SH3RF3: variants seen among roughly 807,000 people sequenced by gnomAD.
The protein encoded by SH3RF3 is SH3 domain containing ring finger 3.
SH3RF3 carries 29 observed loss-of-function variants against 66.3 expected under a neutral mutation model. The ratio of observed to expected loss-of-function variants is 0.44; its 90% CI spans 0.33 to 0.60. The LOEUF is 0.60. SH3RF3 is among the 20% of genes least tolerant of loss of function. The pLI, the probability that SH3RF3 is intolerant of heterozygous loss-of-function variation, is 0.04. For synonymous variants in SH3RF3, 583 were observed against 532.0 expected, an observed-to-expected ratio of 1.10 and a Z score of -1.32; for missense variants, 1,194 against 1,190.9, an observed-to-expected ratio of 1.00 and a Z score of -0.04.
intron 1 of SH3RF3, among the ~76,000 whole-genome samples, chr2:109,322,853 T>C (rs1682058793): frequency 6.6e-6 from 1 of 152,228 alleles, no homozygotes; most frequent in Admixed American, 6.5e-5. Context: ...GACAGCTTTA[T>C]TGCTATCAAT....
chr2:109,473,109 G>C (rs1678568636), intron 8 of SH3RF3, among the ~76,000 whole-genome samples: 1 of 152,210 alleles, frequency 6.6e-6, no homozygotes, highest in South Asian at 2.1e-4. Context: ...TGACAGCCTG[G>C]CATTTAATCG....
intron 8 of SH3RF3, among the ~76,000 whole-genome samples, chr2:109,453,433 G>A (rs568830439): frequency 2.3e-4 from 35 of 152,214 alleles, no homozygotes; most frequent in Non-Finnish European, 4.1e-4. Flanking sequence ...GTGTCCATCC[G>A]TGACAGTTTT....
intron 7 of SH3RF3, among the ~76,000 whole-genome samples, chr2:109,444,834 C>T (rs537698307): frequency 2.6e-5 from 4 of 152,240 alleles, no homozygotes; most frequent in South Asian, 4.1e-4. Flanking sequence ...AGCCAATAAA[C>T]TCAAGAGATA....
chr2:109,140,871 G>A (rs1224037576), intron 1 of SH3RF3, among the ~76,000 whole-genome samples: 3 of 152,282 alleles, frequency 2.0e-5, no homozygotes, highest in South Asian at 2.1e-4. Flanking sequence ...GGCCCCAGGG[G>A]TATCAGTTTT....
intron 1 of SH3RF3, among the ~76,000 whole-genome samples, chr2:109,196,679 G>A (rs975858356): frequency 1.3e-5 from 2 of 152,202 alleles, no homozygotes; most frequent in Non-Finnish European, 2.9e-5. Flanking sequence ...TTGCAGTGAG[G>A]GGCTGGCTCT....
intron 1 of SH3RF3, among the ~76,000 whole-genome samples, chr2:109,288,186 G>T (rs1221490588): frequency 2.0e-5 from 3 of 152,228 alleles, no homozygotes; most frequent in African/African-American, 7.2e-5. Context: ...CGATGTGTTT[G>T]CAGCCATTCA....
At chr2:109,278,665 C>T (rs558509696) in intron 1 of SH3RF3, among the ~76,000 whole-genome samples, 10 of 152,186 alleles carry the variant, frequency 6.6e-5, no homozygotes, top group Non-Finnish European at 1.3e-4. Flanking sequence ...TTGATTAGGT[C>T]CAGGTCTGCT....
intron 1 of SH3RF3, among the ~76,000 whole-genome samples, chr2:109,258,020 G>A (rs1287160656): frequency 6.6e-6 from 1 of 152,040 alleles, no homozygotes. Flanking sequence ...ACATACCTGT[G>A]CACACATGTA....
chr2:109,485,245 A>G (rs1265357860), intron 8 of SH3RF3, among the ~76,000 whole-genome samples: 1 of 152,258 alleles, frequency 6.6e-6, no homozygotes, highest in Non-Finnish European at 1.5e-5. Context: ...AAGTGGTGGG[A>G]CAGCCACCTG....
At chr2:109,252,500 C>T (rs967178235) in intron 1 of SH3RF3, among the ~76,000 whole-genome samples, 10 of 152,096 alleles carry the variant, frequency 6.6e-5, no homozygotes, top group Non-Finnish European at 1.5e-4. Context: ...CCTGGTGTTC[C>T]TGGGACTGAG....
At chr2:109,173,455 C>G (rs898707557) in intron 1 of SH3RF3, among the ~76,000 whole-genome samples, 2 of 152,196 alleles carry the variant, frequency 1.3e-5, no homozygotes, top group African/African-American at 2.4e-5. Context: ...CATTGCCTCT[C>G]CAGTTGACTC....
intron 4 of SH3RF3, among the ~76,000 whole-genome samples, chr2:109,418,300 A>T (rs1490890258): frequency 6.6e-6 from 1 of 152,006 alleles, no homozygotes; most frequent in African/African-American, 2.4e-5. Context: ...AGCCCCTCTA[A>T]TGGAGTGTCC....
At position 109,129,744 on chromosome 2, in the gene SH3RF3, C is replaced by T. The variant is rs532301572; in HGVS notation, c.204C>T (p.Ala68=). 9.1e-6 allele frequency: 14 copies of T among 1,539,402 alleles called. No individual in the cohort carries two copies. In the East Asian group the frequency reaches 3.4e-4, roughly 38 times the overall value. The change falls in exon 1 of 10, where the codon GCC becomes GCT. Residue 68 remains alanine (A), a synonymous_variant. Transcript: ENST00000309415. ...GTCTGGAGCGCCTGGACACCACGGC[C>T]AAGGTGCTGCCATGCCAACACACTT... ...SVCLERLDTT[A]KVLPCQHTFC... is the part of the protein sequence containing the mutation.
At chr2:109,495,136 G>A (rs895121543) in intron 9 of SH3RF3, among the ~76,000 whole-genome samples, 1 of 152,236 alleles carries the variant, frequency 6.6e-6, no homozygotes, top group Non-Finnish European at 1.5e-5. Context: ...TAGGTGTCTG[G>A]CATATTCTTG....
chr2:109,377,771 C>T (rs1683423195), intron 3 of SH3RF3, among the ~76,000 whole-genome samples: 1 of 152,166 alleles, frequency 6.6e-6, no homozygotes, highest in African/African-American at 2.4e-5. Flanking sequence ...TTGGTTGATG[C>T]AGCAACATCA....
Position 109,209,094 on chromosome 2 carries a change from C to T in SH3RF3, c.573+78981C>T, listed in dbSNP as rs970449367. 3.3e-5 allele frequency among the ~76,000 whole-genome samples: 5 copies of T among 152,314 alleles called. No individual in the cohort carries two copies. The South Asian group carries it at 8.3e-4, about 25-fold the overall frequency. On this transcript the variant is annotated intron_variant, in intron 1 of 9. Transcript: ENST00000309415. Reference sequence around the variant, plus strand: ...GGCAGCCAGTACCTTAAACAAAACCCACAAATGTTGCCCAACTTTTTCTAC... The same window carrying T: ...GGCAGCCAGTACCTTAAACAAAACCTACAAATGTTGCCCAACTTTTTCTAC...
At chr2:109,374,403 C>T (rs1190042291) in intron 3 of SH3RF3, among the ~76,000 whole-genome samples, 2 of 152,198 alleles carry the variant, frequency 1.3e-5, no homozygotes, top group Non-Finnish European at 2.9e-5. Context: ...ACTTTTCATT[C>T]TTTATGTACT....
chr2:109,357,392 A>G (rs1319976231), intron 2 of SH3RF3, among the ~76,000 whole-genome samples: 8 of 152,198 alleles, frequency 5.3e-5, no homozygotes, highest in South Asian at 2.1e-4. Flanking sequence ...CGTGTTAGCC[A>G]GGATGGTCTC....
At chr2:109,438,580 G>T (rs1316658877) in intron 7 of SH3RF3, among the ~76,000 whole-genome samples, 1 of 152,182 alleles carries the variant, frequency 6.6e-6, no homozygotes, top group Non-Finnish European at 1.5e-5. Flanking sequence ...AGCTAAGAAT[G>T]ATTCTTGGTT....
Sources: gnomAD v4.1 joint callset for allele counts (sites outside exome capture counted in the v4.1 genomes callset) on GRCh38, gnomAD v4.1.1 for gene constraint, MANE v1.5 for transcripts, NCBI Gene and HGNC (gene_info 2026-07-23, HGNC 2026-07-21) for gene names.